The following LDLRAD3 variants were observed in gnomAD, a reference collection of about 807,000 sequenced individuals.
LDLRAD3 encodes low density lipoprotein receptor class A domain containing 3.
LDLRAD3 carries 20 observed loss-of-function variants against 29.4 expected under a neutral mutation model. The observed-to-expected ratio is 0.68, with a 90% CI of 0.48 to 0.99. The LOEUF is 0.99. LDLRAD3 is among the 50% of genes least tolerant of loss of function. LDLRAD3 has a pLI of 0.00. For synonymous variants in LDLRAD3, 157 were observed against 192.7 expected (o/e 0.81, Z 1.53); for missense variants, 420 against 454.3 (o/e 0.92, Z 0.69).
At chr11:36,140,992 T>TTCTTTCTCTTTCTCTCTC (rs1279929124) in intron 4 of LDLRAD3, among the ~76,000 whole-genome samples, 1 of 109,996 alleles carries the variant, frequency 9.1e-6, no homozygotes, top group Admixed American at 1.1e-4. Context: ...CTGTTGAGCT[T>TTCTTTCTCTTTCTCTCTC]TCTCTCTCTC....
chr11:36,078,965 C>T (rs2133254800), intron 2 of LDLRAD3, among the ~76,000 whole-genome samples: 1 of 152,294 alleles, frequency 6.6e-6, no homozygotes, highest in Admixed American at 6.5e-5. Flanking sequence ...CCCTGGGATA[C>T]AGCGGAGAGC....
In LDLRAD3 at chr11:36,128,117, C is replaced by CATATATATATATATATATATAT. The variant is rs57687795; in HGVS notation, c.454+29674_454+29675insATATATATATATATATATATAT. Reference sequence around the variant, plus strand: ...CGTATTGATGGCAGAGTTGTTTTTACATATATATATATATATATGTATATG... The same window carrying CATATATATATATATATATATAT: ...CGTATTGATGGCAGAGTTGTTTTTACATATATATATATATATATATATATATATATATATATATATGTATATG... On this transcript the variant is annotated intron_variant, in intron 4 of 5. Coordinates refer to ENST00000315571, the MANE Select transcript of LDLRAD3 (RefSeq NM_174902.4). Among the ~76,000 whole-genome samples the CATATATATATATATATATATAT allele has an allele frequency of 7.0e-3, 689 of 98,738 alleles. 39 individuals carry two copies. The highest frequency in any genetic ancestry group is 0.013 in the East Asian group (35 of 2,738). The allele number at this position is 98,738 out of a possible 152,430, so 64.8% of individuals were successfully genotyped here.
At chr11:36,153,494 A>C (rs1022776961) in intron 4 of LDLRAD3, among the ~76,000 whole-genome samples, 2 of 151,468 alleles carry the variant, frequency 1.3e-5, no homozygotes, top group African/African-American at 2.4e-5. Context: ...GTCAGTTGGC[A>C]CCCCTCCCTC....
At chr11:36,101,290 G>A (rs76244031) in intron 4 of LDLRAD3, among the ~76,000 whole-genome samples, 2,976 of 152,256 alleles carry the variant, frequency 0.02, 32 homozygotes, top group Middle Eastern at 0.031. Flanking sequence ...ACCTGTGCCC[G>A]TTTTGCCTCT....
At chr11:36,108,184 G>A (rs1208442520) in intron 4 of LDLRAD3, among the ~76,000 whole-genome samples, 1 of 151,758 alleles carries the variant, frequency 6.6e-6, no homozygotes, top group African/African-American at 2.4e-5. Flanking sequence ...GCTGGGCGTG[G>A]TGGTGGGTGC....
chr11:36,160,546 CAG>C (rs1311361202), intron 4 of LDLRAD3, among the ~76,000 whole-genome samples: 3 of 152,234 alleles, frequency 2.0e-5, no homozygotes, highest in South Asian at 4.2e-4. Flanking sequence ...ATGAGGCTCT[CAG>C]GGGTCAGTTT....
intron 3 of LDLRAD3, among the ~76,000 whole-genome samples, chr11:36,085,482 A>C (rs185989498): frequency 1.3e-5 from 2 of 151,888 alleles, no homozygotes; most frequent in East Asian, 3.9e-4. Context: ...ATACATGTTC[A>C]GCTATTATTT....
chr11:36,123,047 C>T (rs1471099996), intron 4 of LDLRAD3, among the ~76,000 whole-genome samples: 1 of 151,946 alleles, frequency 6.6e-6, no homozygotes, highest in African/African-American at 2.4e-5. Context: ...ATCAGCCAGA[C>T]ATGATGGCAC....
intron 4 of LDLRAD3, among the ~76,000 whole-genome samples, chr11:36,192,856 C>T (rs1440574560): frequency 4.6e-5 from 7 of 152,240 alleles, no homozygotes; most frequent in Admixed American, 3.3e-4. Flanking sequence ...TGCACATGCT[C>T]GTGAGTATAG....
intron 1 of LDLRAD3, chr11:36,001,086 G>T (rs1035137874): frequency 5.9e-5 from 9 of 152,268 alleles, no homozygotes; most frequent in African/African-American, 2.2e-4. Context: ...TCTTTCGCAG[G>T]AAAGTGCCTG....
intron 4 of LDLRAD3, among the ~76,000 whole-genome samples, chr11:36,191,780 C>T (rs910951969): frequency 5.3e-5 from 8 of 151,298 alleles, no homozygotes; most frequent in African/African-American, 9.7e-5. Flanking sequence ...TTTGTTTTCC[C>T]AGGAAGAAAA....
intron 1 of LDLRAD3, among the ~76,000 whole-genome samples, chr11:35,964,346 T>G (rs1851313191): frequency 6.6e-6 from 1 of 152,158 alleles, no homozygotes; most frequent in Non-Finnish European, 1.5e-5. Context: ...TTCAGAGAAA[T>G]TGAACAACTT....
Position 36,098,147 on chromosome 11 carries a change from G to C in LDLRAD3, c.320-180G>C, listed in dbSNP as rs1853390509. Among the ~76,000 whole-genome samples the C allele has an allele frequency of 2.0e-5, 3 of 152,192 alleles. No homozygotes were observed. The South Asian group carries it at 6.2e-4, about 32-fold the overall frequency. On this transcript the variant is annotated intron_variant, in intron 3 of 5. Transcript: ENST00000315571. ...CCCCAGGAGGTTTTAGAATGAGGCAGAGTAAGTCTTGTGTCCAGGTTTGGC... is the reference window on the plus strand; with the variant it reads ...CCCCAGGAGGTTTTAGAATGAGGCACAGTAAGTCTTGTGTCCAGGTTTGGC...
chr11:36,173,318 T>A (rs568679250), intron 4 of LDLRAD3, among the ~76,000 whole-genome samples: 1 of 148,030 alleles, frequency 6.8e-6, no homozygotes, highest in Non-Finnish European at 1.5e-5. Flanking sequence ...GTATATCTCC[T>A]AATGCTATCC....
intron 4 of LDLRAD3, among the ~76,000 whole-genome samples, chr11:36,119,147 T>A (rs71480096): frequency 0.13 from 20,038 of 152,178 alleles, 2,186 homozygotes; most frequent in African/African-American, 0.3. Flanking sequence ...TTTCTTGATA[T>A]CCACCACAAA....
At chr11:36,107,325 C>T (rs1460573065) in intron 4 of LDLRAD3, among the ~76,000 whole-genome samples, 2 of 151,998 alleles carry the variant, frequency 1.3e-5, no homozygotes, top group African/African-American at 2.4e-5. Context: ...CACAGCCTCC[C>T]GAGTAGCTGA....
rs1565147663 is a variant in LDLRAD3, at chr11:35,991,867, T to TGTGTGTG, written c.47-44236_47-44235insGTGTGTG. Among the ~76,000 whole-genome samples, 239 of 82,766 alleles carry TGTGTGTG rather than the reference T, an allele frequency of 2.9e-3. 3 individuals carry two copies. The highest frequency in any genetic ancestry group is 5.8e-3 in the Middle Eastern group (1 of 172). 54.3% of individuals were successfully genotyped at this position (82,766 alleles called of 152,430 possible). A position where few individuals can be genotyped will look rare whatever the true frequency, so the allele number is the denominator to read the frequency against. On this transcript the variant is annotated intron_variant, in intron 1 of 5. Coordinates refer to ENST00000315571, the MANE Select transcript of LDLRAD3 (RefSeq NM_174902.4). The stretch of plus-strand genomic sequence containing the variant: ...AGCAGTTCATAAATTGAATGGTTGT[T>TGTGTGTG]TGTGTGTGTGTGTGTGTGTGTGTGT...
chr11:35,981,835 G>C (rs192970176), intron 1 of LDLRAD3, among the ~76,000 whole-genome samples: 7 of 152,116 alleles, frequency 4.6e-5, no homozygotes, highest in Non-Finnish European at 1.0e-4. Flanking sequence ...TGAGCGTTTG[G>C]GTGCTTGAGG....
At chr11:35,978,804 A>G (rs116221177) in intron 1 of LDLRAD3, among the ~76,000 whole-genome samples, 4 of 152,184 alleles carry the variant, frequency 2.6e-5, no homozygotes, top group Non-Finnish European at 4.4e-5. Flanking sequence ...TAACATTCCA[A>G]GTGCTTCAGG....
Sources: allele counts gnomAD v4.1 joint callset (sites outside exome capture counted in the v4.1 genomes callset), GRCh38; gene constraint gnomAD v4.1.1; transcripts MANE v1.5; gene names NCBI Gene and HGNC (gene_info 2026-07-23, HGNC 2026-07-21).